Variants in TFEC observed in about 807,000 individuals in gnomAD.
The protein encoded by TFEC is class E basic helix-loop-helix protein 34.
TFEC carries 31 observed loss-of-function variants against 41.6 expected under a neutral mutation model. The ratio of observed to expected loss-of-function variants is 0.74; its 90% confidence interval spans 0.56 to 1.01. The LOEUF (loss-of-function observed/expected upper bound fraction) is 1.01, where lower values mean the gene tolerates loss of function less well. Ranked by LOEUF, TFEC falls within the 50% of genes least tolerant of loss-of-function variation. The pLI is 0.00. For synonymous variants in TFEC, 143 were observed against 140.6 expected (o/e 1.02, Z -0.12); for missense variants, 402 against 404.1 (o/e 0.99, Z 0.04).
intron 3 of TFEC, among the ~76,000 whole-genome samples, chr7:116,054,367 A>C (rs1796381060): frequency 6.6e-6 from 1 of 152,210 alleles, no homozygotes; most frequent in Non-Finnish European, 1.5e-5. Context: ...AAGTTCTAGA[A>C]TACAATCCTG....
chr7:115,961,483 C>A (rs1321114064), intron 3 of TFEC, among the ~76,000 whole-genome samples: 1 of 150,734 alleles, frequency 6.6e-6, no homozygotes, highest in East Asian at 2.0e-4. Flanking sequence ...TATAAATTAA[C>A]CATCATTCTT....
chr7:115,955,145 A>G (rs1239746731), intron 4 of TFEC, among the ~76,000 whole-genome samples: 1 of 151,992 alleles, frequency 6.6e-6, no homozygotes, highest in Non-Finnish European at 1.5e-5. Context: ...ACACTTCCAC[A>G]CTTTCTTCCA....
intron 1 of TFEC, among the ~76,000 whole-genome samples, chr7:115,990,634 T>C (rs184820442): frequency 7.9e-5 from 12 of 152,170 alleles, no homozygotes; most frequent in Admixed American, 1.3e-4. Context: ...AGGGTATCAG[T>C]GATTGAAGAT....
chr7:115,979,124 C>A (rs1793513183), intron 2 of TFEC, among the ~76,000 whole-genome samples: 1 of 152,000 alleles, frequency 6.6e-6, no homozygotes, highest in African/African-American at 2.4e-5. Flanking sequence ...AAATAGACTC[C>A]CAGCTGTTCC....
intron 1 of TFEC, among the ~76,000 whole-genome samples, chr7:116,123,009 T>C (rs1483408426): frequency 1.3e-5 from 2 of 152,104 alleles, no homozygotes; most frequent in Non-Finnish European, 2.9e-5. Context: ...TCCCCCCATC[T>C]TACTTGAGAG....
intron 1 of TFEC, among the ~76,000 whole-genome samples, chr7:116,131,010 C>T (rs1208130529): frequency 6.6e-6 from 1 of 152,182 alleles, no homozygotes; most frequent in African/African-American, 2.4e-5. Context: ...TTATGTGACA[C>T]TGTATGGATG....
chr7:115,954,592 T>C lies in TFEC; in HGVS notation c.433A>G (p.Asn145Asp), dbSNP rs186287006. The change falls in exon 5 of 8, where the codon AAC becomes GAC. Residue 145 changes from asparagine (N) to aspartate (D), a missense_variant. Physicochemically the swap from Asn to Asp is conservative, Grantham distance 23. Transcript: ENST00000265440. Reference protein sequence around the residue: ...AKERQKKDNHNLIERRRRYNI... With the variant: ...AKERQKKDNHDLIERRRRYNI... ...TGGAAAAATATATACTCACTGAGGT[T>C]GTGGTTGTCCTTTTTTTGTCTCTCT... 4 of 1,611,710 alleles carry C rather than the reference T, an allele frequency of 2.5e-6. No individual in the cohort carries two copies.
chr7:115,997,066 G>A (rs1390414208), intron 1 of TFEC, among the ~76,000 whole-genome samples: 1 of 152,166 alleles, frequency 6.6e-6, no homozygotes, highest in African/African-American at 2.4e-5. Flanking sequence ...TGATTGTAGG[G>A]CATTAGGCCC....
At chr7:116,115,542 C>G (rs1246256209) in intron 1 of TFEC, among the ~76,000 whole-genome samples, 3 of 151,858 alleles carry the variant, frequency 2.0e-5, no homozygotes, top group Non-Finnish European at 4.4e-5. Context: ...ATGTCCTTCT[C>G]TTTTACTCTG....
intron 3 of TFEC, among the ~76,000 whole-genome samples, chr7:116,064,679 A>G (rs1416109043): frequency 6.6e-6 from 1 of 152,068 alleles, no homozygotes; most frequent in Non-Finnish European, 1.5e-5. Flanking sequence ...AAACCTGCAC[A>G]TTCTGCACAT....
At chr7:115,959,915 A>C (rs1045368534) in intron 3 of TFEC, among the ~76,000 whole-genome samples, 1 of 151,616 alleles carries the variant, frequency 6.6e-6, no homozygotes, top group Admixed American at 6.6e-5. Context: ...AGAGAGAAAA[A>C]TAATATTGGA....
chr7:115,960,803 T>C (rs1206366459), intron 3 of TFEC, among the ~76,000 whole-genome samples: 2 of 151,478 alleles, frequency 1.3e-5, no homozygotes, highest in Non-Finnish European at 3.0e-5. Context: ...AAAGGACACA[T>C]AAAGATTAAA....
chr7:115,951,894 T>C (rs1057080187), intron 5 of TFEC, among the ~76,000 whole-genome samples: 2 of 152,126 alleles, frequency 1.3e-5, no homozygotes, highest in Admixed American at 6.6e-5. Flanking sequence ...AGCAGTCTTC[T>C]ACTCTATATT....
At chr7:115,955,004 T>C (rs1792147639) in intron 4 of TFEC, among the ~76,000 whole-genome samples, 2 of 151,982 alleles carry the variant, frequency 1.3e-5, no homozygotes, top group South Asian at 2.1e-4. Flanking sequence ...ATACAGAAAA[T>C]ATAGTATTCA....
intron 1 of TFEC, 100 bp from the exon 2 acceptor site, chr7:115,984,613 A>G (rs1444043985): frequency 7.4e-7 from 1 of 1,359,276 alleles, no homozygotes; most frequent in Admixed American, 2.5e-5. Context: ...ACACTACACT[A>G]TAGCATCTAG....
intron 3 of TFEC, among the ~76,000 whole-genome samples, chr7:115,970,871 C>T (rs927508128): frequency 7.9e-5 from 12 of 151,966 alleles, no homozygotes; most frequent in South Asian, 4.1e-4. Context: ...TAATGCTTCA[C>T]GTATACAGTC....
chr7:116,029,170 A>T (rs1420042145), intron 1 of TFEC, among the ~76,000 whole-genome samples: 1 of 152,166 alleles, frequency 6.6e-6, no homozygotes, highest in African/African-American at 2.4e-5. Flanking sequence ...TAAAATTGAA[A>T]ACTTAAAAAA....
At chr7:116,121,897 T>C (rs1027135089) in intron 1 of TFEC, among the ~76,000 whole-genome samples, 4 of 152,002 alleles carry the variant, frequency 2.6e-5, no homozygotes, top group African/African-American at 9.7e-5. Context: ...AAATAAAAAA[T>C]TCATTAAAAT....
intron 3 of TFEC, among the ~76,000 whole-genome samples, chr7:115,971,158 T>A (rs1793116400): frequency 6.6e-6 from 1 of 152,052 alleles, no homozygotes; most frequent in Admixed American, 6.6e-5. Flanking sequence ...TGGAGGGCTG[T>A]TCAAGCCACA....
Sources: allele counts gnomAD v4.1 joint callset (sites outside exome capture counted in the v4.1 genomes callset), GRCh38; gene constraint gnomAD v4.1.1; transcripts MANE v1.5; gene names NCBI Gene and HGNC (gene_info 2026-07-23, HGNC 2026-07-21).